Variants in FOLH1 observed in about 807,000 individuals in gnomAD.
FOLH1 encodes the protein folate hydrolase 1.
Under a neutral mutation model 93.9 loss-of-function variants are expected in FOLH1, and 54 were observed. That is an observed-to-expected ratio of 0.57 (90% CI 0.46 to 0.72). The LOEUF (loss-of-function observed/expected upper bound fraction) is 0.72. Ranked by LOEUF, FOLH1 falls within the 30% of genes least tolerant of loss-of-function variation. FOLH1 has a pLI of 0.00. For synonymous variants in FOLH1, 249 were observed against 303.6 expected, an observed-to-expected ratio of 0.82 and a Z score of 1.87; for missense variants, 571 against 892.5, an observed-to-expected ratio of 0.64 and a Z score of 4.59.
chr11:49,159,056 T>C (rs10769564), intron 13 of FOLH1, among the ~76,000 whole-genome samples: 79,124 of 152,006 alleles, frequency 0.52, 21,942 homozygotes, highest in Admixed American at 0.62. Context: ...TTCCTAGATA[T>C]AGAATAATGT....
At chr11:49,197,284 G>A (rs546941937) in intron 3 of FOLH1, among the ~76,000 whole-genome samples, 1 of 152,276 alleles carries the variant, frequency 6.6e-6, no homozygotes, top group South Asian at 2.1e-4. Flanking sequence ...AAGTTTATGA[G>A]CTATTCTAAC....
At chr11:49,159,208 G>A (rs1299434392) in intron 13 of FOLH1, among the ~76,000 whole-genome samples, 4 of 151,984 alleles carry the variant, frequency 2.6e-5, no homozygotes, top group Non-Finnish European at 4.4e-5. Flanking sequence ...ATTTTGTGTC[G>A]GTTTTGAAAA....
chr11:49,193,317 A>C (rs1209288020), intron 3 of FOLH1, among the ~76,000 whole-genome samples: 1 of 152,214 alleles, frequency 6.6e-6, no homozygotes, highest in Non-Finnish European at 1.5e-5. Flanking sequence ...AGTGGCATAC[A>C]TACTAAGCTA....
chr11:49,146,721 A>G lies in FOLH1; in HGVS notation c.*35T>C, dbSNP rs371921219. ...TACGATTCTTTCTGAGTGACATACC[A>G]CACAAATTCAATACGGATTCTCTAA... On this transcript the variant is annotated 3_prime_UTR_variant, in exon 19 of 19. Coordinates refer to ENST00000256999, the MANE Select transcript of FOLH1 (RefSeq NM_004476.3). 105 of 1,562,156 alleles carry G rather than the reference A, an allele frequency of 6.7e-5. 1 individual carries two copies. Among genetic ancestry groups the G allele is most frequent in the Non-Finnish European group, 1.0e-5 (12 of 1,154,668 alleles).
intron 13 of FOLH1, among the ~76,000 whole-genome samples, chr11:49,161,823 T>C (rs1857735375): frequency 6.6e-6 from 1 of 152,230 alleles, no homozygotes; most frequent in Admixed American, 6.5e-5. Context: ...GGTCTGGTGG[T>C]AACAAATTCC....
intron 1 of FOLH1, chr11:49,207,948 C>CAAACAAACAAAACA (rs1555014963): frequency 1.2e-5 from 6 of 496,386 alleles, no homozygotes; most frequent in African/African-American, 4.2e-5. Context: ...AACAAACAAA[C>CAAACAAACAAAACA]AAACAAAACA....
At chr11:49,175,003 T>TAAAA in intron 8 of FOLH1, 26 bp from the exon 9 acceptor site, 1 of 1,341,612 alleles carries the variant, frequency 7.5e-7, no homozygotes, top group Admixed American at 2.1e-5. Context: ...AAGACATTCT[T>TAAAA]AAAAAAAAAA....
chr11:49,181,964 G>A (rs764659949), intron 7 of FOLH1, among the ~76,000 whole-genome samples: 2 of 152,004 alleles, frequency 1.3e-5, no homozygotes, highest in East Asian at 3.9e-4. Context: ...AGAAGAAAAG[G>A]GACTACCTGG....
intron 12 of FOLH1, among the ~76,000 whole-genome samples, chr11:49,166,369 A>C (rs1432278720): frequency 6.6e-6 from 1 of 152,212 alleles, no homozygotes; most frequent in African/African-American, 2.4e-5. Context: ...TGGGAAAATT[A>C]CTTAACCTCT....
At chr11:49,170,025 G>A (rs1859045885) in intron 11 of FOLH1, among the ~76,000 whole-genome samples, 1 of 151,654 alleles carries the variant, frequency 6.6e-6, no homozygotes, top group South Asian at 2.1e-4. Flanking sequence ...TAAGTCTACA[G>A]GAGCACCATT....
At chr11:49,185,577 A>G in intron 6 of FOLH1, 92 bp downstream of exon 6, 1 of 1,441,166 alleles carries the variant, frequency 6.9e-7, no homozygotes, top group Non-Finnish European at 9.4e-7. Context: ...ATAAAAAAAG[A>G]CATGCTTAGT....
rs183665149 is a variant in FOLH1 at position 49,181,534 on chromosome 11, T to C, written c.920+1615A>G. ...TTAATTATTCTGGTACTACATATAA[T>C]ATCTTTTAATCACTTCATTTACTAT... is the stretch of plus-strand genomic sequence containing the variant. On this transcript the variant is annotated intron_variant, in intron 7 of 18. Coordinates refer to ENST00000256999, the MANE Select transcript of FOLH1 (RefSeq NM_004476.3). Among the ~76,000 whole-genome samples the C allele has an allele frequency of 2.9e-3, 447 of 152,286 alleles. 3 individuals are homozygous for C. Among genetic ancestry groups the C allele is most frequent in the African/African-American group, 0.01 (432 of 41,572 alleles).
At chr11:49,189,447 G>A (rs1449480519) in intron 4 of FOLH1, among the ~76,000 whole-genome samples, 1 of 152,180 alleles carries the variant, frequency 6.6e-6, no homozygotes, top group African/African-American at 2.4e-5. Flanking sequence ...GATCTATTAT[G>A]TGTTAGGCAG....
intron 12 of FOLH1, among the ~76,000 whole-genome samples, chr11:49,166,230 C>T (rs1487947288): frequency 6.6e-6 from 1 of 152,088 alleles, no homozygotes; most frequent in African/African-American, 2.4e-5. Flanking sequence ...AAGCATTTAG[C>T]TGTAATATGA....
chr11:49,155,452 T>G (rs1010488694), intron 15 of FOLH1: 5 of 157,382 alleles, frequency 3.2e-5, no homozygotes, highest in Non-Finnish European at 5.7e-5. Context: ...ACCAAATGTC[T>G]TTTCTGTATT....
chr11:49,157,804 T>C (rs1297483950), intron 14 of FOLH1, 148 bp downstream of exon 14: 3 of 699,414 alleles, frequency 4.3e-6, no homozygotes, highest in South Asian at 2.7e-5. Flanking sequence ...AGTAATATTT[T>C]ATTTGTGAAC....
chr11:49,185,201 C>T (rs1468844815), intron 6 of FOLH1, among the ~76,000 whole-genome samples: 4 of 152,098 alleles, frequency 2.6e-5, no homozygotes, highest in Non-Finnish European at 4.4e-5. Flanking sequence ...ATCTGTAAAT[C>T]TGGGGGGAAT....
In FOLH1 at chr11:49,192,825, A is replaced by C. The variant is rs1565201714; in HGVS notation, c.481T>G (p.Phe161Val). Reference protein sequence around the residue: ...YENVSDIVPPFSAFSPQGMPE... With the variant: ...YENVSDIVPPVSAFSPQGMPE... ...ATTCCTTGAGGAGAGAAAGCACTGAAAGGTGGTACAATATCCGAAACATTT... is the reference window on the plus strand; with the variant it reads ...ATTCCTTGAGGAGAGAAAGCACTGACAGGTGGTACAATATCCGAAACATTT... Residue 161 changes from phenylalanine (F) to valine (V), a missense_variant, in exon 4 of 19, where the codon TTC (phenylalanine) becomes GTC (valine). Phe to Val is a conservative substitution (Grantham distance 50, BLOSUM62 -1). Coordinates refer to ENST00000256999, the MANE Select transcript of FOLH1 (RefSeq NM_004476.3). 3 of 1,608,182 alleles carry C rather than the reference A, an allele frequency of 1.9e-6. No individual in the cohort carries two copies. Among genetic ancestry groups the C allele is most frequent in the Non-Finnish European group, 1.7e-6 (2 of 1,176,726 alleles).
intron 6 of FOLH1, among the ~76,000 whole-genome samples, chr11:49,184,500 C>T (rs892031867): frequency 2.0e-5 from 3 of 152,000 alleles, no homozygotes; most frequent in Non-Finnish European, 4.4e-5. Context: ...GGCTAAGCTG[C>T]ATTTTTTAAA....
Sources: gnomAD v4.1 joint callset for allele counts (sites outside exome capture counted in the v4.1 genomes callset) on GRCh38, gnomAD v4.1.1 for gene constraint, MANE v1.5 for transcripts, NCBI Gene and HGNC (gene_info 2026-07-23, HGNC 2026-07-21) for gene names.